The following SNX9 variants were observed in gnomAD, a reference collection of about 807,000 sequenced individuals.
SNX9 encodes the protein sorting nexin-9.
Under a neutral mutation model 89.4 loss-of-function variants are expected in SNX9, and 44 were observed. The ratio of observed to expected loss-of-function variants is 0.49; its 90% confidence interval spans 0.39 to 0.63. The LOEUF (loss-of-function observed/expected upper bound fraction) is 0.63. Ranked by LOEUF, SNX9 falls within the 30% of genes least tolerant of loss-of-function variation. SNX9 has a pLI of 0.00. For missense variants in SNX9, 578 were observed against 736.1 expected, an observed-to-expected ratio of 0.79 and a Z score of 2.49; for synonymous variants, 236 against 247.8, an observed-to-expected ratio of 0.95 and a Z score of 0.45.
At chr6:157,884,581 C>T (rs533964603) in intron 4 of SNX9, among the ~76,000 whole-genome samples, 1 of 152,162 alleles carries the variant, frequency 6.6e-6, no homozygotes, top group South Asian at 2.1e-4. Flanking sequence ...CTTTCCATCT[C>T]TTCACTCTCA....
chr6:157,938,609 A>C, intron 15 of SNX9, 24 bp from the exon 16 acceptor site: 1 of 1,467,150 alleles, frequency 6.8e-7, no homozygotes, highest in Middle Eastern at 1.7e-4. Context: ...CTTTATTCAT[A>C]CTGTTGCATT....
At chr6:157,885,826 G>A (rs527387762) in intron 4 of SNX9, among the ~76,000 whole-genome samples, 13 of 152,198 alleles carry the variant, frequency 8.5e-5, no homozygotes, top group Non-Finnish European at 1.9e-4. Flanking sequence ...GATCTGTACT[G>A]ACCTGAAGTG....
intron 4 of SNX9, among the ~76,000 whole-genome samples, chr6:157,888,338 TAGGGTTTCATTA>T (rs1782779800): frequency 6.6e-6 from 1 of 152,246 alleles, no homozygotes; most frequent in Non-Finnish European, 1.5e-5. Flanking sequence ...TAGTTATTTT[TAGGGTTTCATTA>T]ATACTGTATC....
In SNX9 at chr6:157,823,448, T is replaced by C; in HGVS notation, c.12+2T>C. The stretch of plus-strand genomic sequence containing the variant: ...GACCCGCCCGCCATGGCCACCAAGG[T>C]GAGGGGCGCGCGGCGCAGGCCGGGC... On this transcript the variant is annotated splice_donor_variant, in intron 1 of 17. Transcript: ENST00000392185. LOFTEE classifies it high-confidence loss of function. The surrounding 1 kb of genome is among the most constrained non-coding windows in gnomAD (Gnocchi z 4.6). The C allele has an allele frequency of 8.3e-7, 1 of 1,210,524 alleles. No individual in the cohort carries two copies. 75.0% of individuals were successfully genotyped at this position (1,210,524 alleles called of 1,614,324 possible).
intron 5 of SNX9, among the ~76,000 whole-genome samples, chr6:157,900,432 G>A (rs570307069): frequency 1.8e-4 from 28 of 152,250 alleles, no homozygotes; most frequent in Non-Finnish European, 3.1e-4. Flanking sequence ...CCAGCAGCCC[G>A]CAATGCAACG....
intron 1 of SNX9, among the ~76,000 whole-genome samples, chr6:157,863,580 C>CT (rs1782191348): frequency 6.6e-6 from 1 of 152,156 alleles, no homozygotes; most frequent in Non-Finnish European, 1.5e-5. Context: ...AGAATGAGTT[C>CT]TTGAAGTATA....
chr6:157,844,391 G>GTCAGT (rs1185518262), intron 1 of SNX9, among the ~76,000 whole-genome samples: 3 of 151,862 alleles, frequency 2.0e-5, no homozygotes, highest in South Asian at 4.2e-4. Context: ...CTTGCACTGA[G>GTCAGT]TCAGTTCCTG....
chr6:157,859,762 C>A (rs1782082207), intron 1 of SNX9, among the ~76,000 whole-genome samples: 1 of 152,068 alleles, frequency 6.6e-6, no homozygotes, highest in Non-Finnish European at 1.5e-5. Context: ...GTTCCTCTGC[C>A]CATTTTTGTA....
At chr6:157,896,104 G>A (rs149414581) in intron 4 of SNX9, among the ~76,000 whole-genome samples, 5 of 152,144 alleles carry the variant, frequency 3.3e-5, no homozygotes, top group African/African-American at 1.2e-4. Flanking sequence ...CTAGATTGTA[G>A]GAAGGAGGCT....
At chr6:157,832,813 A>T (rs1781501977) in intron 1 of SNX9, among the ~76,000 whole-genome samples, 2 of 152,338 alleles carry the variant, frequency 1.3e-5, no homozygotes, top group Non-Finnish European at 2.9e-5. Flanking sequence ...GGATTATGGG[A>T]ACTACAATTC....
intron 9 of SNX9, among the ~76,000 whole-genome samples, chr6:157,916,023 T>G (rs79353388): frequency 0.012 from 1,807 of 151,478 alleles, 39 homozygotes; most frequent in African/African-American, 0.042. Context: ...ATTCTTTGGT[T>G]TTTTTGTCTT....
chr6:157,823,361 C>T lies in SNX9; in HGVS notation c.-74C>T. ...GCCGCCGCCCTCGCCCTTGCCTTTG[C>T]CTGCGCGGCTCAGAATCACCATCCG... On this transcript the variant is annotated 5_prime_UTR_variant, in exon 1 of 18. Coordinates refer to ENST00000392185, the MANE Select transcript of SNX9 (RefSeq NM_016224.5). The surrounding 1 kb of genome is among the most constrained non-coding windows in gnomAD (Gnocchi z 4.6). The T allele has an allele frequency of 2.4e-6, 3 of 1,254,572 alleles. No individual in the cohort carries two copies. The highest frequency in any genetic ancestry group is 1.9e-5 in the South Asian group (1 of 51,584). The allele number at this position is 1,254,572 out of a possible 1,614,324, so 77.7% of individuals were successfully genotyped here.
chr6:157,844,575 T>C (rs1014375768), intron 1 of SNX9, among the ~76,000 whole-genome samples: 1 of 150,714 alleles, frequency 6.6e-6, no homozygotes, highest in African/African-American at 2.5e-5. Context: ...TTTAATCTTG[T>C]GGCTAATCCT....
Position 157,943,174 on chromosome 6 carries a change from TAA to T in SNX9, c.*337_*338del, listed in dbSNP as rs1340566376. On this transcript the variant is annotated 3_prime_UTR_variant, in exon 18 of 18. Coordinates refer to ENST00000392185, the MANE Select transcript of SNX9 (RefSeq NM_016224.5). ...CATAATTTATATGTCTTATAAATTA[TAA>T]GTCTTATATAATTTATAAGTCTCCC... The T allele has an allele frequency of 2.1e-5, 4 of 190,806 alleles. No individual in the cohort carries two copies. Among genetic ancestry groups the T allele is most frequent in the Admixed American group, 6.0e-5 (1 of 16,550 alleles). The allele number at this position is 190,806 out of a possible 1,614,324, so 11.8% of individuals were successfully genotyped here. A position where few individuals can be genotyped will look rare whatever the true frequency, so the allele number is the denominator to read the frequency against.
intron 1 of SNX9, among the ~76,000 whole-genome samples, chr6:157,865,055 C>T (rs1350576264): frequency 2.7e-5 from 4 of 150,196 alleles, no homozygotes; most frequent in African/African-American, 7.4e-5. Context: ...CAAAAACTAC[C>T]GCAGCCAGGC....
chr6:157,829,855 G>A (rs1781449284), intron 1 of SNX9, among the ~76,000 whole-genome samples: 5 of 152,144 alleles, frequency 3.3e-5, no homozygotes, highest in Admixed American at 3.3e-4. Context: ...ACAGCATTGT[G>A]TTTACTGATA....
chr6:157,878,346 G>T (rs1233125578), intron 4 of SNX9, among the ~76,000 whole-genome samples: 1 of 152,128 alleles, frequency 6.6e-6, no homozygotes, highest in African/African-American at 2.4e-5. Context: ...GTTTGATTTG[G>T]AAAATTATAA....
intron 1 of SNX9, among the ~76,000 whole-genome samples, chr6:157,832,479 G>T (rs1781496095): frequency 6.6e-6 from 1 of 152,210 alleles, no homozygotes; most frequent in African/African-American, 2.4e-5. Context: ...GGCTTTCAAA[G>T]GACCCAAGTC....
intron 4 of SNX9, among the ~76,000 whole-genome samples, chr6:157,894,215 T>C (rs1026729955): frequency 3.4e-5 from 5 of 145,900 alleles, no homozygotes; most frequent in African/African-American, 1.3e-4. Flanking sequence ...ATTCAAGCAA[T>C]TCTCCTGCCT....
Sources: allele counts gnomAD v4.1 joint callset (sites outside exome capture counted in the v4.1 genomes callset), GRCh38; gene constraint gnomAD v4.1.1; non-coding constraint Gnocchi (gnomAD v3.1); transcripts MANE v1.5; gene names NCBI Gene and HGNC (gene_info 2026-07-23, HGNC 2026-07-21).